The following DLD variants were observed in gnomAD, a reference collection of about 807,000 sequenced individuals.
The protein encoded by DLD is dihydrolipoamide dehydrogenase.
A neutral mutation model predicts 62.2 loss-of-function variants in DLD; 36 were observed. That is an observed-to-expected ratio of 0.58 (90% CI 0.44 to 0.76). DLD has a LOEUF of 0.76. Among genes scored for constraint, DLD ranks in the 30% least tolerant of loss-of-function variants. The probability of loss-of-function intolerance (pLI) is 0.00; values close to 1 mark genes in which losing one functional copy is unlikely to be tolerated. For missense variants in DLD, 541 were observed against 608.6 expected (o/e 0.89, Z 1.17); for synonymous variants, 204 against 199.6 (o/e 1.02, Z -0.19).
chr7:107,913,339 A>AT (rs1470286386), intron 8 of DLD, among the ~76,000 whole-genome samples: 1 of 152,122 alleles, frequency 6.6e-6, no homozygotes, highest in African/African-American at 2.4e-5. Context: ...TAGTATTGTC[A>AT]TTTTAACGAT....
rs771404785 is a variant in DLD, at chr7:107,919,068, A to G, written c.1433A>G (p.Glu478Gly). The stretch of plus-strand genomic sequence containing the variant: ...GCTTTGGAATATGGAGCATCCTGTG[A>G]AGATATAGCTAGAGTCTGTCATGCA... ...ALALEYGASC[E>G]DIARVCHAHP... Residue 478 changes from glutamate to glycine, a missense_variant, in exon 13 of 14, where the codon GAA becomes GGA. Coordinates refer to ENST00000205402, the MANE Select transcript of DLD (RefSeq NM_000108.5). The G allele has an allele frequency of 4.3e-6, 7 of 1,613,846 alleles. No homozygotes were observed.
At chr7:107,917,821 T>A (rs1404153642) in intron 11 of DLD, 103 bp from the exon 12 acceptor site, 6 of 1,487,436 alleles carry the variant, frequency 4.0e-6, no homozygotes, top group Non-Finnish European at 5.6e-6. Context: ...TGCGAACAAT[T>A]CCCTTCTTGG....
chr7:107,902,435 A>C (rs771292832), intron 4 of DLD, 42 bp downstream of exon 4: 7 of 1,547,458 alleles, frequency 4.5e-6, no homozygotes, highest in Middle Eastern at 1.7e-4. Context: ...GTTTTTGGCT[A>C]GCAACCAACT....
intron 9 of DLD, 119 bp from the exon 10 acceptor site, chr7:107,916,675 A>C (rs2032277094): frequency 8.9e-7 from 1 of 1,124,198 alleles, no homozygotes; most frequent in African/African-American, 1.5e-5. Flanking sequence ...TGTCTCAAAA[A>C]CAAAACAAAA....
intron 8 of DLD, among the ~76,000 whole-genome samples, chr7:107,914,547 T>TTA (rs929865422): frequency 3.9e-5 from 6 of 152,188 alleles, no homozygotes; most frequent in African/African-American, 1.4e-4. Context: ...GAGTTAACTT[T>TTA]TATATATACG....
chr7:107,917,554 A>G (rs2032299828), intron 11 of DLD, 92 bp downstream of exon 11: 4 of 1,204,344 alleles, frequency 3.3e-6, no homozygotes, highest in South Asian at 2.4e-5. Context: ...TTATGCTAAT[A>G]TATTTAACAG....
At chr7:107,897,840 A>T (rs1392399756) in intron 2 of DLD, among the ~76,000 whole-genome samples, 1 of 152,054 alleles carries the variant, frequency 6.6e-6, no homozygotes, top group Non-Finnish European at 1.5e-5. Flanking sequence ...TGGCCTCCCA[A>T]AGTGCTGGGA....
intron 8 of DLD, among the ~76,000 whole-genome samples, chr7:107,907,684 C>G (rs1225941738): frequency 6.6e-6 from 1 of 152,178 alleles, no homozygotes; most frequent in Non-Finnish European, 1.5e-5. Context: ...ATTTTTCAGT[C>G]TTCAAACTCC....
At position 107,920,501 on chromosome 7, in the gene DLD, ACT is replaced by A. The variant is rs2032385494; in HGVS notation, c.*1245_*1246del. ...TAACTTGGCTGAACACCAACTCCAC[ACT>A]CTGTCTTGTTTGTAGGTGGCAGCAG... On this transcript the variant is annotated 3_prime_UTR_variant, in exon 14 of 14. Coordinates refer to ENST00000205402, the MANE Select transcript of DLD (RefSeq NM_000108.5). 1 of 152,246 alleles carries A rather than the reference ACT, an allele frequency of 6.6e-6. No individual in the cohort carries two copies. The highest frequency in any genetic ancestry group is 2.4e-5 in the African/African-American group (1 of 41,548). The allele number at this position is 152,246 out of a possible 1,614,324, so 9.4% of individuals were successfully genotyped here.
intron 2 of DLD, among the ~76,000 whole-genome samples, chr7:107,898,614 A>G (rs1293777405): frequency 2.8e-5 from 4 of 142,378 alleles, no homozygotes; most frequent in Non-Finnish European, 3.0e-5. Context: ...TTTTTGAGAC[A>G]GAGTCTTGCA....
chr7:107,903,574 T>C (rs754528609), intron 5 of DLD, 27 bp downstream of exon 5: 2 of 1,388,454 alleles, frequency 1.4e-6, no homozygotes, highest in Non-Finnish European at 2.0e-6. Flanking sequence ...TGCTTAATGA[T>C]ATTACCAGAC....
chr7:107,917,435 C>T lies in DLD; in HGVS notation c.1209C>T (p.Gly403=). The change falls in exon 11 of 14, where the codon GGC becomes GGT. Residue 403 remains glycine (G), a synonymous_variant. Coordinates refer to ENST00000205402, the MANE Select transcript of DLD (RefSeq NM_000108.5). ...IYTHPEVAWV[G]KSEEQLKEEG... Reference sequence around the variant, plus strand: ...CACACCCTGAAGTTGCTTGGGTTGGCAAATCAGAAGAGCAGTTGAAAGAAG... The same window carrying T: ...CACACCCTGAAGTTGCTTGGGTTGGTAAATCAGAAGAGCAGTTGAAAGAAG... 1 of 1,614,044 alleles carries T rather than the reference C, an allele frequency of 6.2e-7. No individual in the cohort carries two copies. The highest frequency in any genetic ancestry group is 8.5e-7 in the Non-Finnish European group (1 of 1,180,000).
At chr7:107,906,512 TG>T (rs2032012187) in intron 8 of DLD, 144 bp downstream of exon 8, 5 of 656,142 alleles carry the variant, frequency 7.6e-6, no homozygotes, top group South Asian at 1.7e-5. Flanking sequence ...AGTTTACTTT[TG>T]TTTTTTTCAA....
At position 107,896,414 on chromosome 7, in the gene DLD, C is replaced by T. The variant is rs367681134; in HGVS notation, c.118+3136C>T. On this transcript the variant is annotated intron_variant, in intron 2 of 13. Coordinates refer to ENST00000205402, the MANE Select transcript of DLD (RefSeq NM_000108.5). Reference sequence around the variant, plus strand: ...ACAACCCTAGGCTGCAGGTGTCATCCTTACTATTACCCCCATGTTGTATCA... The same window carrying T: ...ACAACCCTAGGCTGCAGGTGTCATCTTTACTATTACCCCCATGTTGTATCA... Among the ~76,000 whole-genome samples the T allele has an allele frequency of 9.8e-5, 15 of 152,308 alleles. No individual in the cohort carries two copies. In the South Asian group the frequency reaches 3.1e-3, roughly 32 times the overall value.
rs148905420 is a variant in DLD, at chr7:107,912,928, T to A, written c.685-2578T>A. Among the ~76,000 whole-genome samples the A allele has an allele frequency of 2.0e-4, 30 of 152,314 alleles. No individual in the cohort carries two copies. In the East Asian group the frequency reaches 5.8e-3, roughly 29 times the overall value. ...GTTTTCTTACAGTAATTTCATAGTT[T>A]CAGATTTTAGATTTAAGTCTTTAAT... On this transcript the variant is annotated intron_variant, in intron 8 of 13. Transcript: ENST00000205402.
intron 5 of DLD, among the ~76,000 whole-genome samples, chr7:107,904,115 A>T (rs2031945689): frequency 6.6e-6 from 1 of 152,234 alleles, no homozygotes. Flanking sequence ...ACCTAGTCAT[A>T]ACCTTGGGTT....
At chr7:107,900,914 A>G (rs1379611469) in intron 2 of DLD, among the ~76,000 whole-genome samples, 2 of 152,112 alleles carry the variant, frequency 1.3e-5, no homozygotes, top group African/African-American at 4.8e-5. Context: ...CTGTTACTTT[A>G]TTTGAAGTTG....
At chr7:107,898,538 C>G (rs543389359) in intron 2 of DLD, among the ~76,000 whole-genome samples, 2 of 152,072 alleles carry the variant, frequency 1.3e-5, no homozygotes, top group East Asian at 3.9e-4. Flanking sequence ...GCCTCGGCCT[C>G]CCAAAGTGCT....
At chr7:107,913,187 G>C (rs943040742) in intron 8 of DLD, among the ~76,000 whole-genome samples, 2 of 152,036 alleles carry the variant, frequency 1.3e-5, no homozygotes, top group Non-Finnish European at 2.9e-5. Flanking sequence ...ATGCTATTTT[G>C]GTTACTATAG....
Sources: gnomAD v4.1 joint callset for allele counts (sites outside exome capture counted in the v4.1 genomes callset) on GRCh38, gnomAD v4.1.1 for gene constraint, MANE v1.5 for transcripts, NCBI Gene and HGNC (gene_info 2026-07-23, HGNC 2026-07-21) for gene names.